Variants in PGM2 observed in about 807,000 individuals in gnomAD.
PGM2 encodes the protein phosphoglucomutase 2.
In PGM2, 57 loss-of-function variants were observed where a neutral mutation model predicts 74.6. The observed-to-expected ratio is 0.76, with a 90% CI of 0.62 to 0.95. The LOEUF (loss-of-function observed/expected upper bound fraction) is 0.95, where lower values mean the gene tolerates loss of function less well. Ranked by LOEUF, PGM2 falls within the 40% of genes least tolerant of loss-of-function variation. PGM2 has a pLI of 0.00. For synonymous variants in PGM2, 273 were observed against 260.7 expected (o/e 1.05, Z -0.46); for missense variants, 706 against 741.9 (o/e 0.95, Z 0.56).
At chr4:37,854,760 T>G (rs930109920) in intron 12 of PGM2, among the ~76,000 whole-genome samples, 4 of 152,118 alleles carry the variant, frequency 2.6e-5, no homozygotes, top group African/African-American at 4.8e-5. Context: ...TTGAGGTTTT[T>G]TTTTGTGGTG....
At chr4:37,829,525 C>T (rs1369480028) in intron 1 of PGM2, among the ~76,000 whole-genome samples, 1 of 152,118 alleles carries the variant, frequency 6.6e-6, no homozygotes, top group East Asian at 1.9e-4. Flanking sequence ...CAACTAAATG[C>T]CAGGTAGAGA....
chr4:37,841,683 G>A (rs756126410), intron 6 of PGM2, among the ~76,000 whole-genome samples: 5 of 152,144 alleles, frequency 3.3e-5, no homozygotes, highest in Non-Finnish European at 7.3e-5. Context: ...TTTTCCAATG[G>A]TGTGTAGTCC....
Position 37,860,910 on chromosome 4 carries a change from A to C in PGM2, c.1737-600A>C, listed in dbSNP as rs1003333373. Among the ~76,000 whole-genome samples the C allele has an allele frequency of 2.2e-4, 34 of 152,110 alleles. 1 individual carries two copies. Among genetic ancestry groups the C allele is most frequent in the African/African-American group, 3.9e-4 (16 of 41,436 alleles). ...ATTCTTGTTTATACTTCAGTTGTGA[A>C]TCTTTGGTTCAAGAAATAGATTCAT... On this transcript the variant is annotated intron_variant, in intron 13 of 13. Coordinates refer to ENST00000381967, the MANE Select transcript of PGM2 (RefSeq NM_018290.4).
chr4:37,829,329 C>G (rs1357663819), intron 1 of PGM2, among the ~76,000 whole-genome samples: 1 of 152,176 alleles, frequency 6.6e-6, no homozygotes, highest in Admixed American at 6.5e-5. Context: ...GCTTCCCCAT[C>G]TATAAAATTG....
rs201540473 is a variant in PGM2 at position 37,839,816 on chromosome 4, A to G, written c.442-32A>G. 20 of 1,277,992 alleles carry G rather than the reference A, an allele frequency of 1.6e-5. No individual in the cohort carries two copies. The East Asian group carries it at 3.9e-4, about 25-fold the overall frequency. The allele number at this position is 1,277,992 out of a possible 1,614,324, so 79.2% of individuals were successfully genotyped here. ...GAATATCTGGTTATTTTCGTTAAAA[A>G]CTGTTTGTTCTTGTTTCCTGCTATG... On this transcript the variant is annotated intron_variant, in intron 4 of 13. Transcript: ENST00000381967.
chr4:37,843,866 C>T (rs1298256934), intron 6 of PGM2, among the ~76,000 whole-genome samples: 1 of 152,116 alleles, frequency 6.6e-6, no homozygotes, highest in Middle Eastern at 3.2e-3. Context: ...GCCTCGGCCT[C>T]CCAAAGTAAA....
Position 37,830,097 on chromosome 4 carries a change from G to A in PGM2, c.215G>A (p.Arg72His), listed in dbSNP as rs114665837. Reference protein sequence around the residue: ...LRAAMGPGISRMNDLTIIQTT... With the variant: ...LRAAMGPGISHMNDLTIIQTT... ...GCTGCTATGGGACCTGGAATTTCTC[G>A]TATGAATGACTTGACCATCATCCAG... The change falls in exon 2 of 14, where the codon CGT (arginine) becomes CAT (histidine). Residue 72 changes from arginine (R) to histidine (H), a missense_variant. Physicochemically the swap from Arg to His is conservative, Grantham distance 29. Coordinates refer to ENST00000381967, the MANE Select transcript of PGM2 (RefSeq NM_018290.4). 248 of 1,593,166 alleles carry A rather than the reference G, an allele frequency of 1.6e-4. No homozygotes were observed. The highest frequency in any genetic ancestry group is 5.9e-4 in the African/African-American group (44 of 74,346).
At chr4:37,855,777 C>A in intron 13 of PGM2, 36 bp downstream of exon 13, 1 of 1,550,410 alleles carries the variant, frequency 6.4e-7, no homozygotes, top group Non-Finnish European at 8.7e-7. Context: ...GATTTTTACT[C>A]CCCAGACTTC....
intron 4 of PGM2, among the ~76,000 whole-genome samples, chr4:37,838,352 G>A (rs1725623832): frequency 6.6e-6 from 1 of 152,160 alleles, no homozygotes; most frequent in Non-Finnish European, 1.5e-5. Context: ...ACTATTCATG[G>A]CTAGTACAGA....
At chr4:37,841,158 T>TTTTGTGTGTGTGTG (rs373632973) in intron 6 of PGM2, among the ~76,000 whole-genome samples, 2 of 101,456 alleles carry the variant, frequency 2.0e-5, no homozygotes, top group African/African-American at 1.1e-4. Context: ...ATAGGAATAT[T>TTTTGTGTGTGTGTG]TGTGTGTGTG....
chr4:37,851,961 G>GTTTTCTTTT (rs1430228977), intron 12 of PGM2, among the ~76,000 whole-genome samples: 1 of 135,338 alleles, frequency 7.4e-6, no homozygotes, highest in Non-Finnish European at 1.6e-5. Context: ...CCTTTTGTTT[G>GTTTTCTTTT]TTTGTTTTCT....
At position 37,834,689 on chromosome 4, in the gene PGM2, C is replaced by T. The variant is rs758925694; in HGVS notation, c.321C>T (p.Ala107=). The T allele has an allele frequency of 6.3e-7, 1 of 1,588,190 alleles. No homozygotes were observed. The highest frequency in any genetic ancestry group is 8.6e-7 in the Non-Finnish European group (1 of 1,158,532). The change falls in exon 3 of 14, where the codon GCC becomes GCT. Residue 107 remains alanine (A), a synonymous_variant. Coordinates refer to ENST00000381967, the MANE Select transcript of PGM2 (RefSeq NM_018290.4). Reference sequence around the variant, plus strand: ...AAGGCATCGTGATCAGTTTTGACGCCCGAGCTCATCCATCCAGTGGGGGTA... The same window carrying T: ...AAGGCATCGTGATCAGTTTTGACGCTCGAGCTCATCCATCCAGTGGGGGTA... The part of the protein sequence containing the change: ...KQKGIVISFD[A]RAHPSSGGSS...
chr4:37,839,780 A>T, intron 4 of PGM2, 68 bp from the exon 5 acceptor site: 1 of 869,600 alleles, frequency 1.1e-6, no homozygotes, highest in Non-Finnish European at 2.0e-6. Context: ...AGTATAAAAT[A>T]GACATTTTAA....
rs1725947169 is a variant in PGM2, at chr4:37,848,728, A to G, written c.1412+77A>G. Reference sequence around the variant, plus strand: ...TTATATACTTATGCATGAGATACTAATATCCTTTCTAATGCTCTTATTTTG... The same window carrying G: ...TTATATACTTATGCATGAGATACTAGTATCCTTTCTAATGCTCTTATTTTG... On this transcript the variant is annotated intron_variant, in intron 11 of 13. Coordinates refer to ENST00000381967, the MANE Select transcript of PGM2 (RefSeq NM_018290.4). The G allele has an allele frequency of 1.2e-5, 13 of 1,074,096 alleles. No homozygotes were observed. The South Asian group carries it at 1.7e-4, about 14-fold the overall frequency. 66.5% of individuals were successfully genotyped at this position (1,074,096 alleles called of 1,614,324 possible).
At chr4:37,842,173 ATAT>A (rs1316944311) in intron 6 of PGM2, among the ~76,000 whole-genome samples, 6 of 148,376 alleles carry the variant, frequency 4.0e-5, no homozygotes, top group African/African-American at 1.2e-4. Context: ...ACATATATAC[ATAT>A]TATATATACA....
chr4:37,829,234 C>T (rs770542624), intron 1 of PGM2, among the ~76,000 whole-genome samples: 66 of 151,878 alleles, frequency 4.3e-4, no homozygotes, highest in Non-Finnish European at 1.2e-4. Context: ...ATCATGTTAG[C>T]GTCTATTTGA....
intron 13 of PGM2, among the ~76,000 whole-genome samples, chr4:37,860,685 A>G (rs1711742688): frequency 6.6e-6 from 1 of 152,240 alleles, no homozygotes; most frequent in Non-Finnish European, 1.5e-5. Context: ...AATGGAAAGT[A>G]CAAAGGATTT....
chr4:37,841,188 G>GTGTGTGTGT (rs60419379), intron 6 of PGM2, among the ~76,000 whole-genome samples: 3 of 141,240 alleles, frequency 2.1e-5, no homozygotes, highest in Non-Finnish European at 3.0e-5. Context: ...GTGTGTGTGT[G>GTGTGTGTGT]GTTTGTTCTG....
chr4:37,833,149 C>T (rs1168867355), intron 2 of PGM2, among the ~76,000 whole-genome samples: 1 of 152,206 alleles, frequency 6.6e-6, no homozygotes, highest in Non-Finnish European at 1.5e-5. Context: ...CCTTGTATCA[C>T]TCAGCCTCAG....
Sources: gnomAD v4.1 joint callset for allele counts (sites outside exome capture counted in the v4.1 genomes callset) on GRCh38, gnomAD v4.1.1 for gene constraint, MANE v1.5 for transcripts, NCBI Gene and HGNC (gene_info 2026-07-23, HGNC 2026-07-21) for gene names.